ZNF469: variants seen among roughly 807,000 people sequenced by gnomAD.
ZNF469 encodes the protein zinc finger protein 469.
In ZNF469, 1 loss-of-function variant was observed where a neutral mutation model predicts 1.0. The ratio of observed to expected loss-of-function variants is 1.00; its 90% CI spans 0.35 to 4.73. ZNF469 has a LOEUF of 4.73. Among genes scored for constraint, ZNF469 ranks in the 30% most tolerant of loss-of-function variants. ZNF469 has a pLI of 0.16. For missense variants in ZNF469, 6,100 were observed against 5,356.3 expected (o/e 1.14, Z -4.33); for synonymous variants, 2,703 against 2,363.4 (o/e 1.14, Z -4.17).
intron 1 of ZNF469, among the ~76,000 whole-genome samples, chr16:88,404,838 C>G (rs1904982502): frequency 6.6e-6 from 1 of 152,186 alleles, no homozygotes; most frequent in African/African-American, 2.4e-5. Flanking sequence ...AACTGGGTCA[C>G]CCGTGAATCC....
At chr16:88,286,352 G>A in the ZNF469 span, among the ~76,000 whole-genome samples, 15 of 152,226 alleles carry the variant, frequency 9.9e-5, no homozygotes, top group East Asian at 1.9e-4. Flanking sequence ...GACATCTGCC[G>A]TTATACTCAG....
chr16:88,363,356 T>G, the ZNF469 span, among the ~76,000 whole-genome samples: 4 of 152,214 alleles, frequency 2.6e-5, no homozygotes, highest in African/African-American at 9.7e-5. Context: ...GCTGTGTGCC[T>G]CCAAAGAGTG....
Position 88,431,882 on chromosome 16 carries a change from G to C in ZNF469, c.4412G>C (p.Ser1471Thr). Residue 1471 changes from serine to threonine, a missense_variant, in exon 3 of 3, where the codon AGC (serine) becomes ACC (threonine). By Grantham distance (58) the Ser-to-Thr change is moderately conservative. Transcript: ENST00000565624. ...AGATTCGACCCACCCCTCTATGGCA[G>C]CCTGTCTGCGAACAGGGACTCCGGT... The part of the protein sequence containing the change: ...VDRFDPPLYG[S>T]LSANRDSGLP... The C allele has an allele frequency of 6.5e-7, 1 of 1,550,028 alleles. No individual in the cohort carries two copies. The highest frequency in any genetic ancestry group is 1.2e-5 in the South Asian group (1 of 84,054).
At chr16:88,285,862 C>T in the ZNF469 span, among the ~76,000 whole-genome samples, 13 of 152,230 alleles carry the variant, frequency 8.5e-5, no homozygotes, top group Non-Finnish European at 1.8e-4. Flanking sequence ...GAGGGGCCCT[C>T]GTGCCACTTG....
intron 2 of ZNF469, among the ~76,000 whole-genome samples, chr16:88,425,407 A>C (rs1208072072): frequency 1.3e-5 from 2 of 152,154 alleles, no homozygotes; most frequent in Non-Finnish European, 2.9e-5. Flanking sequence ...GCCTGGCCCC[A>C]GTGGGTGTCT....
chr16:88,133,424 G>A, the ZNF469 span, among the ~76,000 whole-genome samples: 7 of 152,216 alleles, frequency 4.6e-5, no homozygotes, highest in Admixed American at 1.3e-4. Context: ...TGAGGAAACC[G>A]CAGCTCACAC....
chr16:88,246,583 A>G, the ZNF469 span, among the ~76,000 whole-genome samples: 1 of 152,252 alleles, frequency 6.6e-6, no homozygotes, highest in South Asian at 2.1e-4. Context: ...GATCACTGGC[A>G]CCAACCCAGA....
chr16:88,179,857 A>G, the ZNF469 span, among the ~76,000 whole-genome samples: 5 of 152,274 alleles, frequency 3.3e-5, no homozygotes, highest in East Asian at 5.8e-4. Flanking sequence ...TGGTAACAAC[A>G]GTACCAAGTA....
At chr16:88,211,841 G>C in the ZNF469 span, among the ~76,000 whole-genome samples, 1 of 152,162 alleles carries the variant, frequency 6.6e-6, no homozygotes. Flanking sequence ...GCTGGGCCCT[G>C]CCCTGATGCA....
chr16:88,383,636 G>C (rs1213194044), intron 1 of ZNF469, among the ~76,000 whole-genome samples: 1 of 150,636 alleles, frequency 6.6e-6, no homozygotes, highest in Non-Finnish European at 1.5e-5. Flanking sequence ...GGGCTGCGGG[G>C]AGCGGGGCCC....
At chr16:88,341,422 C>T in the ZNF469 span, among the ~76,000 whole-genome samples, 1 of 151,976 alleles carries the variant, frequency 6.6e-6, no homozygotes, top group Admixed American at 6.5e-5. Flanking sequence ...GAGGCAGGGC[C>T]GGCCACTGTT....
At chr16:88,185,949 GCACA>G in the ZNF469 span, among the ~76,000 whole-genome samples, 13 of 150,456 alleles carry the variant, frequency 8.6e-5, no homozygotes, top group African/African-American at 2.4e-4. Context: ...TATAGTACAT[GCACA>G]CACACACGCA....
At chr16:88,290,526 C>T in the ZNF469 span, among the ~76,000 whole-genome samples, 1 of 152,198 alleles carries the variant, frequency 6.6e-6, no homozygotes, top group Non-Finnish European at 1.5e-5. Context: ...CTTTCTGAGG[C>T]ATTCCTGAAA....
the ZNF469 span, among the ~76,000 whole-genome samples, chr16:88,323,907 C>T: frequency 6.6e-6 from 1 of 152,128 alleles, no homozygotes. Context: ...GGGGTGCCCA[C>T]CATTTCACCC....
At chr16:88,339,867 G>A in the ZNF469 span, among the ~76,000 whole-genome samples, 2 of 144,470 alleles carry the variant, frequency 1.4e-5, no homozygotes, top group African/African-American at 5.3e-5. Context: ...AGGAGGTCAG[G>A]GGACAGAGTG....
At chr16:88,379,913 A>AT (rs2092516556), upstream of ZNF469, among the ~76,000 whole-genome samples, 9 of 152,172 alleles carry the variant, frequency 5.9e-5, no homozygotes, top group Admixed American at 5.9e-4. Context: ...GAGTGGGTAC[A>AT]GGGTCATCCC....
At chr16:88,296,545 CAT>C in the ZNF469 span, among the ~76,000 whole-genome samples, 9 of 151,672 alleles carry the variant, frequency 5.9e-5, no homozygotes, top group South Asian at 2.1e-4. Context: ...CACATACACA[CAT>C]ATATGCACAC....
At chr16:88,341,498 C>T in the ZNF469 span, among the ~76,000 whole-genome samples, 1 of 152,230 alleles carries the variant, frequency 6.6e-6, no homozygotes, top group Admixed American at 6.5e-5. Flanking sequence ...AGCCGTCCTC[C>T]CCAGCTCTCT....
At chr16:88,257,115 A>AT in the ZNF469 span, among the ~76,000 whole-genome samples, 1,724 of 117,036 alleles carry the variant, frequency 0.015, 31 homozygotes, top group African/African-American at 0.04. Context: ...TACCCCACTA[A>AT]TTTTTTTTTT....
Sources: gnomAD v4.1 joint callset for allele counts (sites outside exome capture counted in the v4.1 genomes callset) on GRCh38, gnomAD v4.1.1 for gene constraint, MANE v1.5 for transcripts, NCBI Gene and HGNC (gene_info 2026-07-23, HGNC 2026-07-21) for gene names.